Variants in PEX14 observed in about 807,000 individuals in gnomAD.
PEX14 encodes the protein peroxisomal biogenesis factor 14, also known as peroxisomal membrane protein PEX14.
Under a neutral mutation model 49.5 loss-of-function variants are expected in PEX14, and 15 were observed. That is an observed-to-expected ratio of 0.30 (90% CI 0.20 to 0.47). The LOEUF is 0.47. Ranked by LOEUF, PEX14 falls within the 20% of genes least tolerant of loss-of-function variation. PEX14 has a pLI of 1.00. For missense variants in PEX14, 398 were observed against 494.8 expected (o/e 0.80, Z 1.86); for synonymous variants, 210 against 212.7 (o/e 0.99, Z 0.11).
At chr1:10,478,244 CTATTAT>C (rs1160008116) in intron 1 of PEX14, among the ~76,000 whole-genome samples, 9 of 152,014 alleles carry the variant, frequency 5.9e-5, no homozygotes, top group Admixed American at 2.6e-4. Context: ...AATGTGTTGT[CTATTAT>C]TATTATTATT....
At chr1:10,518,027 G>A (rs917309904) in intron 2 of PEX14, among the ~76,000 whole-genome samples, 16 of 151,940 alleles carry the variant, frequency 1.1e-4, no homozygotes, top group African/African-American at 2.9e-4. Flanking sequence ...TGAACCCTGA[G>A]TTACAAACAG....
At chr1:10,609,616 G>A (rs1007683441) in intron 4 of PEX14, among the ~76,000 whole-genome samples, 2 of 152,196 alleles carry the variant, frequency 1.3e-5, no homozygotes. Flanking sequence ...CAGGTGCAGT[G>A]GCTCATGCCT....
chr1:10,629,459 G>A lies in PEX14; in HGVS notation c.678-72G>A. ...CCATCGCCGAGCCCTTGCGGGTCAG[G>A]GAAGGCGTGGCCCTTCGAAGGGGGG... On this transcript the variant is annotated intron_variant, in intron 8 of 8. Coordinates refer to ENST00000356607, the MANE Select transcript of PEX14 (RefSeq NM_004565.3). The surrounding 1 kb of genome is among the most constrained non-coding windows in gnomAD (Gnocchi z 8.5). 1 of 1,061,374 alleles carries A rather than the reference G, an allele frequency of 9.4e-7. No homozygotes were observed. The highest frequency in any genetic ancestry group is 1.4e-6 in the Non-Finnish European group (1 of 690,580). 65.7% of individuals were successfully genotyped at this position (1,061,374 alleles called of 1,614,324 possible).
chr1:10,617,846 C>T (rs1162949422), intron 4 of PEX14, among the ~76,000 whole-genome samples: 2 of 152,222 alleles, frequency 1.3e-5, no homozygotes, highest in Admixed American at 6.5e-5. Flanking sequence ...CCCCGTGCCC[C>T]CACCCAGCGT....
At chr1:10,599,126 T>C (rs1640908967) in intron 3 of PEX14, 112 bp from the exon 4 acceptor site, 1 of 1,100,318 alleles carries the variant, frequency 9.1e-7, no homozygotes, top group African/African-American at 1.5e-5. Context: ...GGCAACTTAC[T>C]AGGATGCGAG....
intron 2 of PEX14, among the ~76,000 whole-genome samples, chr1:10,520,150 T>TC (rs1431636886): frequency 3.6e-4 from 26 of 73,158 alleles, no homozygotes; most frequent in African/African-American, 5.0e-4. Context: ...TTCTTCTTCT[T>TC]TTTTTTTTTT....
chr1:10,612,457 G>A (rs775506003), intron 4 of PEX14, among the ~76,000 whole-genome samples: 4 of 152,164 alleles, frequency 2.6e-5, no homozygotes, highest in Non-Finnish European at 5.9e-5. Context: ...AAGTGGAAAA[G>A]ATTGTCTTTC....
At chr1:10,577,558 ATATATTTTTTTT>A (rs1640178067) in intron 3 of PEX14, among the ~76,000 whole-genome samples, 1 of 5,270 alleles carries the variant, frequency 1.9e-4, no homozygotes, top group African/African-American at 3.9e-4. Context: ...ATATATATAT[ATATATTTTTTTT>A]TTTTTTTTTT....
chr1:10,502,261 G>A (rs989588133), intron 2 of PEX14, among the ~76,000 whole-genome samples: 1 of 152,126 alleles, frequency 6.6e-6, no homozygotes, highest in Non-Finnish European at 1.5e-5. Flanking sequence ...TTGGGAAGGT[G>A]CCTGTGATTC....
chr1:10,516,140 A>G (rs1016816530), intron 2 of PEX14, among the ~76,000 whole-genome samples: 6 of 152,234 alleles, frequency 3.9e-5, no homozygotes, highest in Admixed American at 6.5e-5. Flanking sequence ...ATCTAATTCA[A>G]TTTTTGACAT....
At chr1:10,523,578 C>T (rs1447826528) in intron 2 of PEX14, among the ~76,000 whole-genome samples, 1 of 150,850 alleles carries the variant, frequency 6.6e-6, no homozygotes, top group Non-Finnish European at 1.5e-5. Flanking sequence ...GAATCTGAGG[C>T]ACTGAGTGGG....
intron 4 of PEX14, among the ~76,000 whole-genome samples, chr1:10,609,662 A>G (rs1222550364): frequency 6.6e-6 from 1 of 152,154 alleles, no homozygotes; most frequent in Non-Finnish European, 1.5e-5. Flanking sequence ...AGGAGGGCGG[A>G]TCACCTGAGG....
intron 3 of PEX14, among the ~76,000 whole-genome samples, chr1:10,546,060 G>A (rs1022443879): frequency 4.0e-5 from 6 of 151,736 alleles, no homozygotes; most frequent in African/African-American, 1.5e-4. Context: ...AAAAGATTGA[G>A]GAGGGGGTAG....
chr1:10,519,491 A>G (rs1271264162), intron 2 of PEX14, among the ~76,000 whole-genome samples: 2 of 152,214 alleles, frequency 1.3e-5, no homozygotes, highest in African/African-American at 4.8e-5. Flanking sequence ...GTCTCAGGGA[A>G]TGGTGCGCTG....
intron 3 of PEX14, among the ~76,000 whole-genome samples, chr1:10,579,635 A>T (rs1640252171): frequency 6.6e-6 from 1 of 152,148 alleles, no homozygotes; most frequent in African/African-American, 2.4e-5. Context: ...TTATTTCTTG[A>T]TGAGATGCCA....
rs565474073 is a variant in PEX14, at chr1:10,556,180, T to G, written c.169+19883T>G. Among the ~76,000 whole-genome samples the G allele has an allele frequency of 7.3e-4, 111 of 152,218 alleles. 1 individual carries two copies. Among genetic ancestry groups the G allele is most frequent in the African/African-American group, 2.4e-3 (101 of 41,546 alleles). On this transcript the variant is annotated intron_variant, in intron 3 of 8. Transcript: ENST00000356607. Reference sequence around the variant, plus strand: ...GGGTTGGGATGACAGGGGTTCACAGTGTCCTGCCTGCCCCTTCAGCAGCAT... The same window carrying G: ...GGGTTGGGATGACAGGGGTTCACAGGGTCCTGCCTGCCCCTTCAGCAGCAT...
At chr1:10,524,863 T>A (rs971022236) in intron 2 of PEX14, among the ~76,000 whole-genome samples, 7 of 151,750 alleles carry the variant, frequency 4.6e-5, no homozygotes, top group Admixed American at 3.3e-4. Flanking sequence ...AAAAAACAAA[T>A]TTTTTTTTGA....
intron 3 of PEX14, among the ~76,000 whole-genome samples, chr1:10,566,598 C>T (rs1570277381): frequency 6.6e-6 from 1 of 152,220 alleles, no homozygotes; most frequent in African/African-American, 2.4e-5. Flanking sequence ...AAGGGATTCT[C>T]CTACCTCAGC....
chr1:10,583,870 C>G (rs1020705657), intron 3 of PEX14, among the ~76,000 whole-genome samples: 3 of 152,036 alleles, frequency 2.0e-5, no homozygotes, highest in Admixed American at 1.3e-4. Context: ...CTGGCAAATT[C>G]CAGGAACAAG....
Sources: allele counts gnomAD v4.1 joint callset (sites outside exome capture counted in the v4.1 genomes callset), GRCh38; gene constraint gnomAD v4.1.1; non-coding constraint Gnocchi (gnomAD v3.1); transcripts MANE v1.5; gene names NCBI Gene and HGNC (gene_info 2026-07-23, HGNC 2026-07-21).